The following FEM1B variants were observed in gnomAD, a reference collection of about 807,000 sequenced individuals.
FEM1B encodes the protein protein fem-1 homolog B.
A neutral mutation model predicts 38.6 loss-of-function variants in FEM1B; 10 were observed. The ratio of observed to expected loss-of-function variants is 0.26; its 90% CI spans 0.16 to 0.44. FEM1B has a LOEUF of 0.44. FEM1B is among the 20% of genes least tolerant of loss of function. FEM1B has a pLI of 1.00. For synonymous variants in FEM1B, 288 were observed against 288.0 expected (o/e 1.00, Z 0.00); for missense variants, 471 against 786.7 (o/e 0.60, Z 4.80).
Position 68,287,688 on chromosome 15 carries a change from T to G in FEM1B, c.249-1919T>G, listed in dbSNP as rs76552257. 2.4e-3 allele frequency among the ~76,000 whole-genome samples: 371 copies of G among 152,302 alleles called. 2 individuals carry two copies. Among genetic ancestry groups the G allele is most frequent in the African/African-American group, 8.6e-3 (358 of 41,554 alleles). ...ATGAACAGAAATTTATTTCTCATAT[T>G]TCTGGAAGCTGGAATGTTCAAGATC... On this transcript the variant is annotated intron_variant, in intron 1 of 1. Transcript: ENST00000306917.
rs1892713834 is a variant in FEM1B at position 68,280,485 on chromosome 15, A to G, written c.248+1820A>G. On this transcript the variant is annotated intron_variant, in intron 1 of 1. Coordinates refer to ENST00000306917, the MANE Select transcript of FEM1B (RefSeq NM_015322.5). This position sits in a 1 kb window ranked among gnomAD's most constrained non-coding sequence, Gnocchi z 4.2. ...TAGGGTTGTAGAAATCATTTGGACTACTGAGAGAAAACAGGGAAAGGAAGT... is the reference window on the plus strand; with the variant it reads ...TAGGGTTGTAGAAATCATTTGGACTGCTGAGAGAAAACAGGGAAAGGAAGT... Among the ~76,000 whole-genome samples, 1 of 152,184 alleles carries G rather than the reference A, an allele frequency of 6.6e-6. No individual in the cohort carries two copies. Among genetic ancestry groups the G allele is most frequent in the South Asian group, 2.1e-4 (1 of 4,828 alleles).
At chr15:68,283,987 G>T (rs1473272821) in intron 1 of FEM1B, among the ~76,000 whole-genome samples, 1 of 151,300 alleles carries the variant, frequency 6.6e-6, no homozygotes, top group Non-Finnish European at 1.5e-5. Context: ...CCAGGTTCAA[G>T]CAATTCTTCT....
chr15:68,278,430 G>T lies in FEM1B; in HGVS notation c.13G>T (p.Ala5Ser). 2 of 1,612,154 alleles carry T rather than the reference G, an allele frequency of 1.2e-6. No individual in the cohort carries two copies. The highest frequency in any genetic ancestry group is 1.7e-6 in the Non-Finnish European group (2 of 1,179,612). MEGLAGYVYKAASEG... is the reference protein window; with the variant it reads MEGLSGYVYKAASEG... Reference sequence around the variant, plus strand: ...GTTGGCGGCGGCCATGGAGGGCCTGGCTGGCTATGTATACAAGGCGGCCAG... The same window carrying T: ...GTTGGCGGCGGCCATGGAGGGCCTGTCTGGCTATGTATACAAGGCGGCCAG... The change falls in exon 1 of 2, where the codon GCT becomes TCT. Residue 5 changes from alanine to serine, a missense_variant. By Grantham distance (99) the Ala-to-Ser change is moderately conservative. This residue lies in a region of FEM1B where 91 missense variants were observed against 169.6 expected (regional missense o/e 0.54). Transcript: ENST00000306917. This position sits in a 1 kb window ranked among gnomAD's most constrained non-coding sequence, Gnocchi z 5.7.
rs1347851250 is a variant in FEM1B, at chr15:68,278,256, C to A, written c.-162C>A. 2 of 948,948 alleles carry A rather than the reference C, an allele frequency of 2.1e-6. No individual in the cohort carries two copies. Among genetic ancestry groups the A allele is most frequent in the Non-Finnish European group, 3.0e-6 (2 of 658,262 alleles). The allele number at this position is 948,948 out of a possible 1,614,324, so 58.8% of individuals were successfully genotyped here. On this transcript the variant is annotated 5_prime_UTR_variant, in exon 1 of 2. Coordinates refer to ENST00000306917, the MANE Select transcript of FEM1B (RefSeq NM_015322.5). The surrounding 1 kb of genome is among the most constrained non-coding windows in gnomAD (Gnocchi z 5.7). ...GCACTCGGCCTCCTCTGCGTCTCCG[C>A]CTTCCCTGGGCCGCACTGCTGCCTG...
In FEM1B at chr15:68,294,592, T is replaced by C. The variant is rs1892884252; in HGVS notation, c.*3350T>C. 1 of 142,200 alleles carries C rather than the reference T, an allele frequency of 7.0e-6. No homozygotes were observed. Among genetic ancestry groups the C allele is most frequent in the South Asian group, 2.1e-4 (1 of 4,718 alleles). 8.8% of individuals were successfully genotyped at this position (142,200 alleles called of 1,614,324 possible). A position where few individuals can be genotyped will look rare whatever the true frequency, so the allele number is the denominator to read the frequency against. ...GGGTTATTTAAGCAGAAGCGTTTCTTTTTTTTTTTTGGAATGGGGTGGGAT... is the reference window on the plus strand; with the variant it reads ...GGGTTATTTAAGCAGAAGCGTTTCTCTTTTTTTTTTGGAATGGGGTGGGAT... On this transcript the variant is annotated 3_prime_UTR_variant, in exon 2 of 2. Coordinates refer to ENST00000306917, the MANE Select transcript of FEM1B (RefSeq NM_015322.5). The surrounding 1 kb of genome is among the most constrained non-coding windows in gnomAD (Gnocchi z 4.4).
Position 68,294,555 on chromosome 15 carries a change from T to A in FEM1B, c.*3313T>A, listed in dbSNP as rs1567115466. On this transcript the variant is annotated 3_prime_UTR_variant, in exon 2 of 2. Transcript: ENST00000306917. This position sits in a 1 kb window ranked among gnomAD's most constrained non-coding sequence, Gnocchi z 4.4. ...ATAGTTGAGGCAGCTACTTTATGAA[T>A]AAGACCACTTTGGGTTATTTAAGCA... The A allele has an allele frequency of 1.3e-5, 2 of 152,124 alleles. No individual in the cohort carries two copies. The highest frequency in any genetic ancestry group is 4.8e-5 in the African/African-American group (2 of 41,442). The allele number at this position is 152,124 out of a possible 1,614,324, so 9.4% of individuals were successfully genotyped here. A position where few individuals can be genotyped will look rare whatever the true frequency, so the allele number is the denominator to read the frequency against.
At chr15:68,286,896 CT>C (rs993036979) in intron 1 of FEM1B, among the ~76,000 whole-genome samples, 4 of 152,090 alleles carry the variant, frequency 2.6e-5, no homozygotes, top group East Asian at 3.9e-4. Context: ...TTGATTCATT[CT>C]TTTTTTTGAG....
At chr15:68,286,401 G>C (rs1892787105) in intron 1 of FEM1B, among the ~76,000 whole-genome samples, 1 of 152,050 alleles carries the variant, frequency 6.6e-6, no homozygotes, top group African/African-American at 2.4e-5. Flanking sequence ...TTTAGAGAGA[G>C]GTTCTCGCAC....
intron 1 of FEM1B, among the ~76,000 whole-genome samples, chr15:68,287,558 A>C (rs920334782): frequency 2.6e-5 from 4 of 152,348 alleles, no homozygotes; most frequent in East Asian, 3.9e-4. Flanking sequence ...AGAAGTGATA[A>C]AGGGTATTGT....
At position 68,292,192 on chromosome 15, in the gene FEM1B, T is replaced by C. The variant is rs1166102487; in HGVS notation, c.*950T>C. The C allele has an allele frequency of 2.0e-5, 3 of 152,346 alleles. No individual in the cohort carries two copies. Among genetic ancestry groups the C allele is most frequent in the South Asian group, 2.1e-4 (1 of 4,834 alleles). The allele number at this position is 152,346 out of a possible 1,614,324, so 9.4% of individuals were successfully genotyped here. A position where few individuals can be genotyped will look rare whatever the true frequency, so the allele number is the denominator to read the frequency against. On this transcript the variant is annotated 3_prime_UTR_variant, in exon 2 of 2. Coordinates refer to ENST00000306917, the MANE Select transcript of FEM1B (RefSeq NM_015322.5). Reference sequence around the variant, plus strand: ...CCTCCCTAATAAGGTATTTTACTTATGACAGATGAAAAGGAACCAGGATAT... The same window carrying C: ...CCTCCCTAATAAGGTATTTTACTTACGACAGATGAAAAGGAACCAGGATAT...
rs1313249594 is a variant in FEM1B at position 68,289,441 on chromosome 15, T to A, written c.249-166T>A. On this transcript the variant is annotated intron_variant, in intron 1 of 1. Coordinates refer to ENST00000306917, the MANE Select transcript of FEM1B (RefSeq NM_015322.5). The surrounding 1 kb of genome is among the most constrained non-coding windows in gnomAD (Gnocchi z 6.9). ...TGAGCTTTATATTAGGTACAAGTAC[T>A]ATGCAAAGTGCTTTCCTTAAATTAC... 1 of 608,968 alleles carries A rather than the reference T, an allele frequency of 1.6e-6. No homozygotes were observed. The highest frequency in any genetic ancestry group is 2.9e-6 in the Non-Finnish European group (1 of 344,308). 37.7% of individuals were successfully genotyped at this position (608,968 alleles called of 1,614,324 possible).
At position 68,288,750 on chromosome 15, in the gene FEM1B, AAC is replaced by A. The variant is rs1422451532; in HGVS notation, c.249-851_249-850del. On this transcript the variant is annotated intron_variant, in intron 1 of 1. Coordinates refer to ENST00000306917, the MANE Select transcript of FEM1B (RefSeq NM_015322.5). This position sits in a 1 kb window ranked among gnomAD's most constrained non-coding sequence, Gnocchi z 4.6. The stretch of plus-strand genomic sequence containing the variant: ...TTTTTCCTGTAGTGGTTGATTGAGG[AAC>A]ACACAGACAAGCAGTATATGCACAC... Among the ~76,000 whole-genome samples the A allele has an allele frequency of 6.6e-5, 10 of 152,318 alleles. No individual in the cohort carries two copies. The East Asian group carries it at 1.7e-3, about 26-fold the overall frequency.
Position 68,283,502 on chromosome 15 carries a change from T to TAA in FEM1B, c.248+4866_248+4867dup, listed in dbSNP as rs60432847. Among the ~76,000 whole-genome samples, 347 of 71,952 alleles carry TAA rather than the reference T, an allele frequency of 4.8e-3. 19 individuals carry two copies. Among genetic ancestry groups the TAA allele is most frequent in the African/African-American group, 0.021 (319 of 15,486 alleles). The allele number at this position is 71,952 out of a possible 152,430, so 47.2% of individuals were successfully genotyped here. A position where few individuals can be genotyped will look rare whatever the true frequency, so the allele number is the denominator to read the frequency against. On this transcript the variant is annotated intron_variant, in intron 1 of 1. Coordinates refer to ENST00000306917, the MANE Select transcript of FEM1B (RefSeq NM_015322.5). Reference sequence around the variant, plus strand: ...AACATAGTGAGACCTCATCTCTACCTAAAAAAAAAAAAAAAAAAAAAAAAA... The same window carrying TAA: ...AACATAGTGAGACCTCATCTCTACCTAAAAAAAAAAAAAAAAAAAAAAAAAAA...
rs1056287605 is a variant in FEM1B at position 68,281,558 on chromosome 15, A to G, written c.248+2893A>G. Reference sequence around the variant, plus strand: ...CTTAGGAAACTAAAGTGGATTCATGATAGAGCCTCGAGGGGAAAGGGACCA... The same window carrying G: ...CTTAGGAAACTAAAGTGGATTCATGGTAGAGCCTCGAGGGGAAAGGGACCA... On this transcript the variant is annotated intron_variant, in intron 1 of 1. Coordinates refer to ENST00000306917, the MANE Select transcript of FEM1B (RefSeq NM_015322.5). The surrounding 1 kb of genome is among the most constrained non-coding windows in gnomAD (Gnocchi z 5.1). 2.6e-5 allele frequency among the ~76,000 whole-genome samples: 4 copies of G among 152,236 alleles called. No homozygotes were observed. Among genetic ancestry groups the G allele is most frequent in the African/African-American group, 4.8e-5 (2 of 41,458 alleles).
Position 68,290,169 on chromosome 15 carries a change from A to G in FEM1B, c.811A>G (p.Lys271Glu). 6.2e-7 allele frequency: 1 copy of G among 1,614,038 alleles called. No homozygotes were observed. Among genetic ancestry groups the G allele is most frequent in the Non-Finnish European group, 8.5e-7 (1 of 1,180,004 alleles). The change falls in exon 2 of 2, where the codon AAG becomes GAG. Residue 271 changes from lysine (K) to glutamate (E), a missense_variant. Lys to Glu is a moderately conservative substitution (Grantham distance 56, BLOSUM62 1). Around this residue, in one of 3 missense-constraint regions of FEM1B, gnomAD observed 380 missense variants for 599.6 expected, o/e 0.63. Transcript: ENST00000306917. The surrounding 1 kb of genome is among the most constrained non-coding windows in gnomAD (Gnocchi z 9.7). ...TGACCGTGAGAACTATGACATCATA[A>G]AGACATACCACTATCTATATTTAGC... ...ANDRENYDIIKTYHYLYLAML... is the reference protein window; with the variant it reads ...ANDRENYDIIETYHYLYLAML...
Position 68,289,566 on chromosome 15 carries a change from G to A in FEM1B, c.249-41G>A. ...ACATCCCTTAAACATATGTTAGGCT[G>A]TGGCCTCTGTTATCTAACTGCTTAT... On this transcript the variant is annotated intron_variant, in intron 1 of 1. Coordinates refer to ENST00000306917, the MANE Select transcript of FEM1B (RefSeq NM_015322.5). The surrounding 1 kb of genome is among the most constrained non-coding windows in gnomAD (Gnocchi z 6.9). 6.8e-7 allele frequency: 1 copy of A among 1,476,476 alleles called. No homozygotes were observed. The allele number at this position is 1,476,476 out of a possible 1,614,324, so 91.5% of individuals were successfully genotyped here.
At position 68,293,673 on chromosome 15, in the gene FEM1B, A is replaced by G. The variant is rs1180648756; in HGVS notation, c.*2431A>G. ...AATCTAATTCTATCTTGTAAAATCA[A>G]TCCAAATGTGTATTGTGAAACACCT... On this transcript the variant is annotated 3_prime_UTR_variant, in exon 2 of 2. Transcript: ENST00000306917. This position sits in a 1 kb window ranked among gnomAD's most constrained non-coding sequence, Gnocchi z 5.8. The G allele has an allele frequency of 6.6e-6, 1 of 152,212 alleles. No individual in the cohort carries two copies. Among genetic ancestry groups the G allele is most frequent in the South Asian group, 2.1e-4 (1 of 4,836 alleles). 9.4% of individuals were successfully genotyped at this position (152,212 alleles called of 1,614,324 possible).
At chr15:68,279,356 C>T (rs1892702642) in intron 1 of FEM1B, among the ~76,000 whole-genome samples, 1 of 152,178 alleles carries the variant, frequency 6.6e-6, no homozygotes, top group African/African-American at 2.4e-5. Context: ...TGATCATTTA[C>T]TGTTAGTTGA....
intron 1 of FEM1B, among the ~76,000 whole-genome samples, chr15:68,286,247 T>C (rs1472089466): frequency 6.6e-6 from 1 of 151,904 alleles, no homozygotes; most frequent in Admixed American, 6.6e-5. Context: ...GTTGATAATA[T>C]TATTCTGTCC....
Sources: gnomAD v4.1 joint callset for allele counts (sites outside exome capture counted in the v4.1 genomes callset) on GRCh38, gnomAD v4.1.1 for gene constraint, gnomAD v4.1.1 regional missense constraint, Gnocchi (gnomAD v3.1) non-coding constraint, MANE v1.5 for transcripts, NCBI Gene and HGNC (gene_info 2026-07-23, HGNC 2026-07-21) for gene names.